LNX1: variants seen among roughly 807,000 people sequenced by gnomAD.
LNX1 encodes the protein ligand of numb-protein X 1, also known as E3 ubiquitin-protein ligase LNX.
Under a neutral mutation model 68.4 loss-of-function variants are expected in LNX1, and 54 were observed. The ratio of observed to expected loss-of-function variants is 0.79; its 90% CI spans 0.63 to 0.99. LNX1 has a LOEUF of 0.99. Among genes scored for constraint, LNX1 ranks in the 50% least tolerant of loss-of-function variants. The probability of loss-of-function intolerance (pLI) is 0.00; values close to 1 mark genes in which losing one functional copy is unlikely to be tolerated. For synonymous variants in LNX1, 336 were observed against 350.0 expected (o/e 0.96, Z 0.45); for missense variants, 906 against 926.4 (o/e 0.98, Z 0.29).
intron 1 of LNX1, among the ~76,000 whole-genome samples, chr4:53,627,449 ACT>A (rs957648792): frequency 1.2e-4 from 19 of 152,146 alleles, no homozygotes; most frequent in African/African-American, 4.1e-4. Flanking sequence ...ACTTGGGTTG[ACT>A]CTCACATTAT....
chr4:53,584,406 A>G lies in LNX1; in HGVS notation c.-87+6982T>C, dbSNP rs17083094. On this transcript the variant is annotated intron_variant, in intron 1 of 10. Coordinates refer to ENST00000263925, the MANE Select transcript of LNX1 (RefSeq NM_001126328.3). ...TCCACAGGAAAAAAAATGTAAAAAC[A>G]CTGCAAGAGAATACATAATACATGG... Among the ~76,000 whole-genome samples, 906 of 152,318 alleles carry G rather than the reference A, an allele frequency of 5.9e-3. 7 individuals carry two copies. The highest frequency in any genetic ancestry group is 0.015 in the African/African-American group (644 of 41,564).
chr4:53,468,859 A>C (rs1454141698), intron 9 of LNX1, among the ~76,000 whole-genome samples: 3 of 152,226 alleles, frequency 2.0e-5, no homozygotes, highest in Non-Finnish European at 4.4e-5. Context: ...AGTGACCTAC[A>C]AAGAGACTTA....
intron 5 of LNX1, among the ~76,000 whole-genome samples, chr4:53,497,400 G>A (rs1441973826): frequency 6.6e-6 from 1 of 152,224 alleles, no homozygotes; most frequent in Non-Finnish European, 1.5e-5. Flanking sequence ...GGCTTGGAAT[G>A]GGCTTTACAA....
rs79669082 is a variant in LNX1, at chr4:53,598,782, G to A, written c.-214-7267C>T. On this transcript the variant is annotated intron_variant, in intron 2 of 3. Coordinates refer to the LNX1 transcript ENST00000504299. Reference sequence around the variant, plus strand: ...TGAGAGTCAAAGCCTGAACACTTTGGGAAGGGAGCTAACTTTATCACATTT... The same window carrying A: ...TGAGAGTCAAAGCCTGAACACTTTGAGAAGGGAGCTAACTTTATCACATTT... Among the ~76,000 whole-genome samples the A allele has an allele frequency of 9.0e-4, 137 of 152,274 alleles. 2 individuals carry two copies. In the East Asian group the frequency reaches 0.025, roughly 28 times the overall value.
chr4:53,502,990 G>A (rs1330956276), intron 4 of LNX1, among the ~76,000 whole-genome samples: 2 of 150,860 alleles, frequency 1.3e-5, no homozygotes, highest in East Asian at 3.9e-4. Context: ...GAGTGCAGTG[G>A]TGCGATCTCG....
At chr4:53,543,485 C>T (rs1406842942) in intron 2 of LNX1, among the ~76,000 whole-genome samples, 2 of 151,624 alleles carry the variant, frequency 1.3e-5, no homozygotes, top group South Asian at 2.1e-4. Flanking sequence ...TAAGTGTAAA[C>T]TCTTAATTCA....
At chr4:53,489,475 G>T (rs773164284) in intron 6 of LNX1, among the ~76,000 whole-genome samples, 36 of 152,212 alleles carry the variant, frequency 2.4e-4, no homozygotes, top group Middle Eastern at 3.4e-3. Flanking sequence ...TCTGCTGGTG[G>T]CTGAGTCAGT....
chr4:53,532,440 CAAATAAAT>C (rs566912677), intron 2 of LNX1, among the ~76,000 whole-genome samples: 3 of 151,630 alleles, frequency 2.0e-5, no homozygotes, highest in Admixed American at 6.6e-5. Context: ...GACTCCATCT[CAAATAAAT>C]AAATAAATAA....
At chr4:53,575,512 CCCATT>C (rs1019447112) in intron 1 of LNX1, 1 of 985,234 alleles carries the variant, frequency 1.0e-6, no homozygotes, top group Admixed American at 6.2e-5. Context: ...TCAGGGAGTC[CCCATT>C]CCAGAGGTGA....
chr4:53,572,743 C>T (rs1393500999), intron 2 of LNX1, among the ~76,000 whole-genome samples: 1 of 152,154 alleles, frequency 6.6e-6, no homozygotes, highest in East Asian at 1.9e-4. Context: ...GTGATGTCAG[C>T]CATCAGCAGC....
chr4:53,501,298 T>TTGGG (rs1725464445), intron 4 of LNX1, among the ~76,000 whole-genome samples: 4 of 9,498 alleles, frequency 4.2e-4, no homozygotes, highest in African/African-American at 6.1e-4. Context: ...TTTTTTTTTT[T>TTGGG]TGGGGGTGGG....
intron 2 of LNX1, among the ~76,000 whole-genome samples, chr4:53,527,232 G>A (rs1457635071): frequency 6.6e-6 from 1 of 152,142 alleles, no homozygotes; most frequent in Non-Finnish European, 1.5e-5. Flanking sequence ...AACAGATATT[G>A]TTTTATTTCT....
intron 2 of LNX1, among the ~76,000 whole-genome samples, chr4:53,519,223 C>G (rs978262411): frequency 6.6e-6 from 1 of 152,182 alleles, no homozygotes; most frequent in Non-Finnish European, 1.5e-5. Flanking sequence ...GCGGGCACCT[C>G]CAGGTGATTT....
Position 53,540,239 on chromosome 4 carries a change from CA to C in LNX1, c.381-32013del, listed in dbSNP as rs762136193. ...TCTAAAAAAAAATACAAAAATTAGC[CA>C]GGCATGGGGGCGTGCACCTGTAGTC... On this transcript the variant is annotated intron_variant, in intron 2 of 10. Transcript: ENST00000263925. Among the ~76,000 whole-genome samples the C allele has an allele frequency of 3.3e-5, 5 of 152,106 alleles. No individual in the cohort carries two copies. In the South Asian group the frequency reaches 1.0e-3, roughly 32 times the overall value.
chr4:53,552,281 G>A (rs892340216), intron 2 of LNX1, among the ~76,000 whole-genome samples: 2 of 152,166 alleles, frequency 1.3e-5, no homozygotes, highest in African/African-American at 4.8e-5. Flanking sequence ...CAAACTAACT[G>A]TGCATCCACT....
chr4:53,486,999 A>G (rs1724352594), intron 6 of LNX1, among the ~76,000 whole-genome samples: 1 of 152,302 alleles, frequency 6.6e-6, no homozygotes, highest in Admixed American at 6.5e-5. Flanking sequence ...GGAGCGTTGC[A>G]CTGTGACCTC....
chr4:53,535,106 C>G (rs1335478918), intron 2 of LNX1, among the ~76,000 whole-genome samples: 1 of 116,024 alleles, frequency 8.6e-6, no homozygotes, highest in Non-Finnish European at 2.1e-5. Flanking sequence ...GAAATAGCAC[C>G]AATGTTTTCT....
At chr4:53,630,330 C>T (rs979645078) in intron 1 of LNX1, among the ~76,000 whole-genome samples, 4 of 152,092 alleles carry the variant, frequency 2.6e-5, no homozygotes, top group African/African-American at 4.8e-5. Flanking sequence ...TCAGGATTCA[C>T]GGTGTTTTCA....
chr4:53,611,201 T>C (rs2668545), intron 2 of LNX1, among the ~76,000 whole-genome samples: 63,957 of 151,684 alleles, frequency 0.42, 13,420 homozygotes, highest in Admixed American at 0.45. Context: ...TTTTGTACTC[T>C]AGGAATAAGA....
Sources: allele counts gnomAD v4.1 joint callset (sites outside exome capture counted in the v4.1 genomes callset), GRCh38; gene constraint gnomAD v4.1.1; transcripts MANE v1.5; gene names NCBI Gene and HGNC (gene_info 2026-07-23, HGNC 2026-07-21).